Variants in ZDHHC23 observed in about 807,000 individuals in gnomAD.
ZDHHC23 encodes the protein zDHHC palmitoyltransferase 23, also known as palmitoyltransferase ZDHHC23.
ZDHHC23 carries 41 observed loss-of-function variants against 40.2 expected under a neutral mutation model. The observed-to-expected ratio is 1.02, with a 90% CI of 0.79 to 1.32. The LOEUF is 1.32. ZDHHC23 is among the 40% of genes most tolerant of loss of function. The pLI is 0.00. For missense variants in ZDHHC23, 471 were observed against 541.5 expected, an observed-to-expected ratio of 0.87 and a Z score of 1.29; for synonymous variants, 204 against 210.2, an observed-to-expected ratio of 0.97 and a Z score of 0.26.
chr3:113,971,197 T>A, the ZDHHC23 span, among the ~76,000 whole-genome samples: 1 of 152,208 alleles, frequency 6.6e-6, no homozygotes, highest in African/African-American at 2.4e-5. Flanking sequence ...GTAAAAGTGT[T>A]CCTATTTCTC....
At position 113,960,612 on chromosome 3, in the gene ZDHHC23, C is replaced by A; in HGVS notation, c.*1982C>A. On this transcript the variant is annotated 3_prime_UTR_variant, in exon 5 of 5. Coordinates refer to ENST00000638807, the MANE Select transcript of ZDHHC23 (RefSeq NM_001320466.2). ...TAGCTTCTTGCCAAATTGTTCACAA[C>A]ATCTAAATGTAATGTGATGTGATGA... is the stretch of plus-strand genomic sequence containing the variant. 1 of 1,563,982 alleles carries A rather than the reference C, an allele frequency of 6.4e-7. No homozygotes were observed.
At chr3:113,954,499 T>G in intron 3 of ZDHHC23, 89 bp downstream of exon 3, 1 of 1,246,684 alleles carries the variant, frequency 8.0e-7, no homozygotes, top group Non-Finnish European at 1.1e-6. Flanking sequence ...ATCCCAAAAT[T>G]TCTCTCCTTC....
At chr3:113,958,308 A>C in intron 4 of ZDHHC23, 55 bp from the exon 5 acceptor site, 1 of 1,484,154 alleles carries the variant, frequency 6.7e-7, no homozygotes, top group African/African-American at 1.4e-5. Flanking sequence ...GAATGATGAC[A>C]GTTTTCTGAA....
intron 2 of ZDHHC23, among the ~76,000 whole-genome samples, chr3:113,949,476 T>C (rs929255547): frequency 6.6e-6 from 1 of 152,200 alleles, no homozygotes; most frequent in Non-Finnish European, 1.5e-5. Flanking sequence ...GTATCTCCCC[T>C]GGATTCACAG....
intron 4 of ZDHHC23, 126 bp from the exon 5 acceptor site, chr3:113,958,237 C>G (rs935574118): frequency 1.3e-6 from 1 of 783,728 alleles, no homozygotes; most frequent in Non-Finnish European, 2.1e-6. Flanking sequence ...TCTTCCAGTT[C>G]GGAGGGTTGG....
the ZDHHC23 span, among the ~76,000 whole-genome samples, chr3:113,979,352 G>A: frequency 6.6e-6 from 1 of 152,266 alleles, no homozygotes; most frequent in East Asian, 1.9e-4. Flanking sequence ...CTGGAGCTTG[G>A]ACAGCAACTC....
In ZDHHC23 at chr3:113,958,947, A is replaced by G; in HGVS notation, c.*317A>G. 8.3e-7 allele frequency: 1 copy of G among 1,209,294 alleles called. No homozygotes were observed. The highest frequency in any genetic ancestry group is 1.0e-6 in the Non-Finnish European group (1 of 953,910). 74.9% of individuals were successfully genotyped at this position (1,209,294 alleles called of 1,614,324 possible). A position where few individuals can be genotyped will look rare whatever the true frequency, so the allele number is the denominator to read the frequency against. ...ATTCCCATCCATTAGTATGGAGGAA[A>G]GAGTGTTGGATTAGGATAGTTTCTA... On this transcript the variant is annotated 3_prime_UTR_variant, in exon 5 of 5. Coordinates refer to ENST00000638807, the MANE Select transcript of ZDHHC23 (RefSeq NM_001320466.2).
chr3:113,978,929 T>C, the ZDHHC23 span: 2 of 1,613,982 alleles, frequency 1.2e-6, no homozygotes, highest in African/African-American at 2.7e-5. Flanking sequence ...GCCATCTTTC[T>C]AGCCAGACTT....
chr3:113,973,564 G>A, the ZDHHC23 span, among the ~76,000 whole-genome samples: 10 of 149,894 alleles, frequency 6.7e-5, no homozygotes, highest in African/African-American at 2.4e-4. Context: ...TTGAAAGATG[G>A]CTTTGCTGGA....
rs1293854476 is a variant in ZDHHC23 at position 113,960,343 on chromosome 3, T to G, written c.*1713T>G. 1 of 1,089,868 alleles carries G rather than the reference T, an allele frequency of 9.2e-7. No individual in the cohort carries two copies. Among genetic ancestry groups the G allele is most frequent in the East Asian group, 8.7e-5 (1 of 11,518 alleles). The allele number at this position is 1,089,868 out of a possible 1,614,324, so 67.5% of individuals were successfully genotyped here. ...TGTGCCTGGGGATGTTAGCAGACTC[T>G]GGGGTTTGTACAGTGATGCCTTCTC... is the stretch of plus-strand genomic sequence containing the variant. On this transcript the variant is annotated 3_prime_UTR_variant, in exon 5 of 5. Coordinates refer to ENST00000638807, the MANE Select transcript of ZDHHC23 (RefSeq NM_001320466.2).
downstream of ZDHHC23, chr3:113,965,271 G>T: frequency 6.2e-7 from 1 of 1,612,128 alleles, no homozygotes. Context: ...TTCCTACGAA[G>T]TTGCTGTCGC....
chr3:113,973,473 A>G, the ZDHHC23 span, among the ~76,000 whole-genome samples: 3 of 151,864 alleles, frequency 2.0e-5, no homozygotes, highest in Admixed American at 2.0e-4. Flanking sequence ...TCCCTTTAAC[A>G]TTTCTTGTAA....
chr3:113,951,724 C>T (rs1419953164), intron 2 of ZDHHC23, among the ~76,000 whole-genome samples: 2 of 152,230 alleles, frequency 1.3e-5, no homozygotes, highest in Non-Finnish European at 2.9e-5. Context: ...ATACTGATCT[C>T]ATCTACATCC....
Position 113,961,990 on chromosome 3 carries a change from C to T in ZDHHC23, c.*3360C>T, listed in dbSNP as rs978881604. On this transcript the variant is annotated 3_prime_UTR_variant, in exon 5 of 5. Transcript: ENST00000638807. ...TTGTGAGACTTAAGGGTCTTTTTAA[C>T]CTAGGTAAGTTTATATGACCTAACT... 6.6e-6 allele frequency: 1 copy of T among 152,508 alleles called. No individual in the cohort carries two copies. Among genetic ancestry groups the T allele is most frequent in the Non-Finnish European group, 1.5e-5 (1 of 68,012 alleles). 9.4% of individuals were successfully genotyped at this position (152,508 alleles called of 1,614,324 possible). A position where few individuals can be genotyped will look rare whatever the true frequency, so the allele number is the denominator to read the frequency against.
the ZDHHC23 span, among the ~76,000 whole-genome samples, chr3:113,974,926 T>C: frequency 6.6e-6 from 1 of 152,112 alleles, no homozygotes; most frequent in African/African-American, 2.4e-5. Context: ...CCAGGGGCCA[T>C]GTTATTAGGT....
At chr3:113,949,561 C>T (rs1186820969) in intron 2 of ZDHHC23, among the ~76,000 whole-genome samples, 1 of 152,142 alleles carries the variant, frequency 6.6e-6, no homozygotes, top group Non-Finnish European at 1.5e-5. Context: ...ATGGAAATTA[C>T]TATCCAAAAA....
chr3:113,960,376 C>G lies in ZDHHC23; in HGVS notation c.*1746C>G. ...GTACAGTGATGCCTTCTCCCTGGCC[C>G]AGAGCTGAATATTCATCTAGAATTA... On this transcript the variant is annotated 3_prime_UTR_variant, in exon 5 of 5. Transcript: ENST00000638807. 8.5e-7 allele frequency: 1 copy of G among 1,171,542 alleles called. No individual in the cohort carries two copies. The highest frequency in any genetic ancestry group is 1.1e-6 in the Non-Finnish European group (1 of 946,840). The allele number at this position is 1,171,542 out of a possible 1,614,324, so 72.6% of individuals were successfully genotyped here.
At position 113,954,019 on chromosome 3, in the gene ZDHHC23, G is replaced by A. The variant is rs751437720; in HGVS notation, c.481G>A (p.Val161Ile). ...GTACTATGTGTTCCTGCAGGAAGTG[G>A]TCCCCAAAGGGCGTGTGGGTCCCGT... Reference protein sequence around the residue: ...YMYYVFLQEVVPKGRVGPVQL... With the variant: ...YMYYVFLQEVIPKGRVGPVQL... The change falls in exon 3 of 5, where the codon GTC (valine) becomes ATC (isoleucine). Residue 161 changes from valine (V) to isoleucine (I), a missense_variant. Transcript: ENST00000638807. The A allele has an allele frequency of 9.3e-6, 15 of 1,614,000 alleles. No homozygotes were observed. The Admixed American group carries it at 1.8e-4, about 20-fold the overall frequency.
downstream of ZDHHC23, chr3:113,965,213 TC>T (rs1163843548): frequency 6.2e-7 from 1 of 1,611,862 alleles, no homozygotes. Context: ...CTGATATAGC[TC>T]GTGGTACCTT....
Sources: gnomAD v4.1 joint callset for allele counts (sites outside exome capture counted in the v4.1 genomes callset) on GRCh38, gnomAD v4.1.1 for gene constraint, MANE v1.5 for transcripts, NCBI Gene and HGNC (gene_info 2026-07-23, HGNC 2026-07-21) for gene names.